The following EPHX2 variants were observed in gnomAD, a reference collection of about 807,000 sequenced individuals.
The protein encoded by EPHX2 is epoxide hydrolase 2, also known as bifunctional epoxide hydrolase 2.
Under a neutral mutation model 78.7 loss-of-function variants are expected in EPHX2, and 74 were observed. The ratio of observed to expected loss-of-function variants is 0.94; its 90% confidence interval spans 0.78 to 1.14. The LOEUF (loss-of-function observed/expected upper bound fraction) is 1.14. Ranked by LOEUF, EPHX2 falls within the 50% of genes most tolerant of loss-of-function variation. EPHX2 has a pLI of 0.00. For synonymous variants in EPHX2, 251 were observed against 255.2 expected (o/e 0.98, Z 0.16); for missense variants, 715 against 702.5 (o/e 1.02, Z -0.20).
intron 11 of EPHX2, among the ~76,000 whole-genome samples, chr8:27,525,122 G>GCGCA (rs1554523148): frequency 1.3e-5 from 2 of 150,356 alleles, no homozygotes; most frequent in East Asian, 2.0e-4. Flanking sequence ...GCGCGCGCGC[G>GCGCA]CACCTATGTG....
At chr8:27,532,689 T>C (rs1203188468) in intron 12 of EPHX2, among the ~76,000 whole-genome samples, 1 of 152,158 alleles carries the variant, frequency 6.6e-6, no homozygotes, top group Non-Finnish European at 1.5e-5. Flanking sequence ...TCATGTGGCA[T>C]CCTCCCTTCT....
chr8:27,523,776 C>T (rs975969649), intron 11 of EPHX2, among the ~76,000 whole-genome samples: 2 of 152,066 alleles, frequency 1.3e-5, no homozygotes, highest in Non-Finnish European at 2.9e-5. Flanking sequence ...TTCTCTGTCC[C>T]CTCTCTCATT....
intron 1 of EPHX2, among the ~76,000 whole-genome samples, chr8:27,499,204 C>T (rs1813678144): frequency 6.6e-6 from 1 of 152,184 alleles, no homozygotes; most frequent in African/African-American, 2.4e-5. Flanking sequence ...GTGGAGCCCT[C>T]ATGACCCAAT....
intron 1 of EPHX2, among the ~76,000 whole-genome samples, chr8:27,493,786 G>A (rs1478962998): frequency 6.6e-6 from 1 of 152,212 alleles, no homozygotes; most frequent in Non-Finnish European, 1.5e-5. Context: ...TGTTAAAAAG[G>A]TGTGTGAGTT....
At chr8:27,532,845 G>A (rs1471882402) in intron 12 of EPHX2, among the ~76,000 whole-genome samples, 4 of 152,216 alleles carry the variant, frequency 2.6e-5, no homozygotes, top group Non-Finnish European at 5.9e-5. Flanking sequence ...GCCAGGTGCA[G>A]TGGCTCACAC....
At chr8:27,502,560 A>G (rs972479496) in intron 2 of EPHX2, among the ~76,000 whole-genome samples, 5 of 152,204 alleles carry the variant, frequency 3.3e-5, no homozygotes, top group Admixed American at 1.3e-4. Context: ...GGGAAGTCCA[A>G]GATGAAGGCA....
chr8:27,531,650 G>A (rs17057312), intron 12 of EPHX2, among the ~76,000 whole-genome samples: 13,075 of 152,198 alleles, frequency 0.086, 1,598 homozygotes, highest in African/African-American at 0.27. Context: ...ATCCTTTGGC[G>A]TTACTTGTAA....
intron 16 of EPHX2, 47 bp downstream of exon 16, chr8:27,541,589 C>T (rs952502018): frequency 9.3e-6 from 15 of 1,605,666 alleles, no homozygotes; most frequent in Non-Finnish European, 1.3e-5. Flanking sequence ...CAGGACCCGC[C>T]CGCGGGGCTT....
chr8:27,491,674 C>T (rs1813385072), intron 1 of EPHX2, among the ~76,000 whole-genome samples: 1 of 152,156 alleles, frequency 6.6e-6, no homozygotes, highest in African/African-American at 2.4e-5. Context: ...GGGTTGCATG[C>T]TTACTTGTGT....
chr8:27,515,551 T>G, intron 6 of EPHX2, 167 bp from the exon 7 acceptor site: 2 of 600,838 alleles, frequency 3.3e-6, no homozygotes, highest in East Asian at 2.8e-5. Context: ...GGCCAGGGCC[T>G]CTTCTCAGCC....
At chr8:27,526,482 C>T (rs1471698602) in intron 12 of EPHX2, among the ~76,000 whole-genome samples, 1 of 152,110 alleles carries the variant, frequency 6.6e-6, no homozygotes, top group East Asian at 1.9e-4. Flanking sequence ...AGCACAATGT[C>T]CTTCATTAGT....
intron 1 of EPHX2, among the ~76,000 whole-genome samples, chr8:27,493,864 T>C (rs562551910): frequency 6.6e-6 from 1 of 152,350 alleles, no homozygotes; most frequent in African/African-American, 2.4e-5. Context: ...GGAAAGGGTG[T>C]TGGGAGCAGA....
chr8:27,522,550 C>T (rs908445724), intron 11 of EPHX2, 42 bp downstream of exon 11: 3 of 1,583,934 alleles, frequency 1.9e-6, no homozygotes, highest in Admixed American at 1.7e-5. Flanking sequence ...GGAGGCTGGA[C>T]TTGAACTCCT....
At position 27,505,279 on chromosome 8, in the gene EPHX2, G is replaced by A. The variant is rs548165828; in HGVS notation, c.537+133G>A. ...TCTGAGTCCACTTCTCCCAGACCAC[G>A]TCTTCTCCTAGAAGACTGTTACCCA... On this transcript the variant is annotated intron_variant, in intron 4 of 18. Transcript: ENST00000521400. 7.7e-5 allele frequency: 64 copies of A among 832,826 alleles called. No homozygotes were observed. In the Admixed American group the frequency reaches 1.1e-3, roughly 14 times the overall value. 51.6% of individuals were successfully genotyped at this position (832,826 alleles called of 1,614,324 possible). A position where few individuals can be genotyped will look rare whatever the true frequency, so the allele number is the denominator to read the frequency against.
chr8:27,538,968 C>G, intron 14 of EPHX2: 1 of 462,564 alleles, frequency 2.2e-6, no homozygotes, highest in Non-Finnish European at 3.9e-6. Flanking sequence ...AATCCACCCT[C>G]TACTGATAAG....
At chr8:27,544,040 T>G (rs1815502245) in intron 17 of EPHX2, 146 bp from the exon 18 acceptor site, 1 of 1,075,972 alleles carries the variant, frequency 9.3e-7, no homozygotes, top group East Asian at 2.4e-5. Flanking sequence ...TCTCATTCAT[T>G]CATTATTCCC....
chr8:27,507,759 G>A (rs1814070078), intron 5 of EPHX2, among the ~76,000 whole-genome samples: 1 of 152,138 alleles, frequency 6.6e-6, no homozygotes, highest in Non-Finnish European at 1.5e-5. Context: ...TCACTGTTCT[G>A]GAGGCTGGAA....
chr8:27,539,509 C>A (rs558434462), intron 14 of EPHX2, among the ~76,000 whole-genome samples: 2 of 152,322 alleles, frequency 1.3e-5, no homozygotes, highest in South Asian at 4.1e-4. Context: ...ATGCTCTTGT[C>A]ACTGCTCAAA....
chr8:27,506,228 A>G (rs1056780750), intron 4 of EPHX2, among the ~76,000 whole-genome samples: 9 of 152,192 alleles, frequency 5.9e-5, no homozygotes, highest in African/African-American at 2.2e-4. Context: ...GTTTCAACCA[A>G]TCCTTCCAGT....
Sources: allele counts gnomAD v4.1 joint callset (sites outside exome capture counted in the v4.1 genomes callset), GRCh38; gene constraint gnomAD v4.1.1; transcripts MANE v1.5; gene names NCBI Gene and HGNC (gene_info 2026-07-23, HGNC 2026-07-21).